Variants in SCN2A observed in about 807,000 individuals in gnomAD.
The protein encoded by SCN2A is sodium channel protein type 2 subunit alpha.
Under a neutral mutation model 188.7 loss-of-function variants are expected in SCN2A, and 20 were observed. That is an observed-to-expected ratio of 0.11 (90% CI 0.07 to 0.15). SCN2A has a LOEUF of 0.15. SCN2A is among the 10% of genes least tolerant of loss of function. SCN2A has a pLI of 1.00. For missense variants in SCN2A, 1,278 were observed against 2,445.0 expected (o/e 0.52, Z 10.07); for synonymous variants, 804 against 833.1 (o/e 0.97, Z 0.60).
At position 165,249,613 on chromosome 2, in the gene SCN2A, T is replaced by G. The variant is rs377309542; in HGVS notation, c.-52+9973T>G. ...GTTGGGAAAATTGACCTCATCGTTTTGTGTTTTCAATCCCTTAAGTGTAAT... is the reference window on the plus strand; with the variant it reads ...GTTGGGAAAATTGACCTCATCGTTTGGTGTTTTCAATCCCTTAAGTGTAAT... On this transcript the variant is annotated intron_variant, in intron 1 of 26. Transcript: ENST00000375437. Among the ~76,000 whole-genome samples the G allele has an allele frequency of 3.4e-4, 51 of 152,186 alleles. No homozygotes were observed. The East Asian group carries it at 9.8e-3, about 29-fold the overall frequency.
intron 15 of SCN2A, 150 bp from the exon 16 acceptor site, chr2:165,344,405 C>T (rs2105318303): frequency 2.5e-6 from 1 of 403,916 alleles, no homozygotes; most frequent in Admixed American, 5.1e-5. Flanking sequence ...ATGTGACTAA[C>T]CTGCACATTG....
intron 1 of SCN2A, among the ~76,000 whole-genome samples, chr2:165,259,931 A>ATTTTTTTTTTTTT (rs140137535): frequency 1.1e-5 from 1 of 89,494 alleles, no homozygotes; most frequent in African/African-American, 4.6e-5. Flanking sequence ...CTAAAAATGG[A>ATTTTTTTTTTTTT]TTTTTTTTTT....
chr2:165,315,924 G>T (rs1236648000), intron 11 of SCN2A, among the ~76,000 whole-genome samples, 166 bp downstream of exon 11: 1 of 152,128 alleles, frequency 6.6e-6, no homozygotes, highest in African/African-American at 2.4e-5. Context: ...TGTGAGTTTT[G>T]CAACTTTTTG....
At position 165,295,637 on chromosome 2, in the gene SCN2A, C is replaced by T. The variant is rs79293169; in HGVS notation, c.-51-136C>T. 2.6e-3 allele frequency: 2,046 copies of T among 799,118 alleles called. 34 individuals are homozygous for T. In the African/African-American group the frequency reaches 0.032, roughly 13 times the overall value. 49.5% of individuals were successfully genotyped at this position (799,118 alleles called of 1,614,324 possible). A position where few individuals can be genotyped will look rare whatever the true frequency, so the allele number is the denominator to read the frequency against. ...ATGCACATATGAGATTCCCTGAATA[C>T]CAAATACAGCTTTCTTTGAAAATAT... On this transcript the variant is annotated intron_variant, in intron 1 of 26. Coordinates refer to ENST00000375437, the MANE Select transcript of SCN2A (RefSeq NM_001040142.2).
chr2:165,275,880 AC>A (rs1695316033), intron 1 of SCN2A, among the ~76,000 whole-genome samples: 2 of 151,926 alleles, frequency 1.3e-5, no homozygotes, highest in African/African-American at 4.8e-5. Context: ...GATTACAGGC[AC>A]CCGCCACCAC....
rs117047664 is a variant in SCN2A at position 165,321,932 on chromosome 2, A to T, written c.1672-1224A>T. On this transcript the variant is annotated intron_variant, in intron 11 of 26. Coordinates refer to ENST00000375437, the MANE Select transcript of SCN2A (RefSeq NM_001040142.2). ...GGAAAAGATCAAACCAATAATACTT[A>T]AATGATGAAGTTAGTATTCTTTCCA... is the stretch of plus-strand genomic sequence containing the variant. Among the ~76,000 whole-genome samples the T allele has an allele frequency of 1.9e-3, 282 of 152,310 alleles. 3 individuals are homozygous for T. In the East Asian group the frequency reaches 0.032, roughly 17 times the overall value.
intron 1 of SCN2A, among the ~76,000 whole-genome samples, chr2:165,249,146 G>C (rs1693984544): frequency 1.3e-5 from 2 of 152,046 alleles, no homozygotes; most frequent in African/African-American, 2.4e-5. Context: ...TCAAAGTCAG[G>C]AACTTGGTCA....
chr2:165,278,370 A>G (rs1479289483), intron 1 of SCN2A, among the ~76,000 whole-genome samples: 1 of 152,184 alleles, frequency 6.6e-6, no homozygotes, highest in Non-Finnish European at 1.5e-5. Context: ...TATCATGGCA[A>G]AAGGCAAAGA....
intron 17 of SCN2A, among the ~76,000 whole-genome samples, chr2:165,356,967 G>T (rs1700212547): frequency 1.3e-5 from 2 of 152,156 alleles, no homozygotes; most frequent in African/African-American, 4.8e-5. Context: ...GACCTGCCAG[G>T]TGGAAGCAGA....
At chr2:165,310,729 A>G in intron 7 of SCN2A, 134 bp downstream of exon 7, 1 of 572,226 alleles carries the variant, frequency 1.7e-6, no homozygotes, top group South Asian at 3.7e-5. Context: ...TACATATAAA[A>G]GAGATATCAA....
intron 13 of SCN2A, chr2:165,328,521 A>G: frequency 3.0e-6 from 3 of 985,588 alleles, no homozygotes; most frequent in Non-Finnish European, 3.6e-6. Context: ...TAAAGCAGGA[A>G]GTAGAGAAGG....
chr2:165,344,264 A>G (rs1699452464), intron 15 of SCN2A, among the ~76,000 whole-genome samples: 1 of 152,096 alleles, frequency 6.6e-6, no homozygotes, highest in East Asian at 1.9e-4. Flanking sequence ...AGAATGCTCT[A>G]TGGTAGCAAG....
chr2:165,305,633 G>A (rs1697080869), intron 3 of SCN2A, among the ~76,000 whole-genome samples: 1 of 152,052 alleles, frequency 6.6e-6, no homozygotes, highest in African/African-American at 2.4e-5. Context: ...AATGCTAAGG[G>A]GAGGAACCAT....
intron 16 of SCN2A, 105 bp from the exon 17 acceptor site, chr2:165,354,087 G>C (rs1700063859): frequency 1.5e-6 from 2 of 1,374,318 alleles, no homozygotes; most frequent in Admixed American, 3.4e-5. Flanking sequence ...AGAAATGCAT[G>C]TTAGAATAAA....
chr2:165,270,593 C>T (rs1287156422), intron 1 of SCN2A: 3 of 152,050 alleles, frequency 2.0e-5, no homozygotes, highest in Non-Finnish European at 1.5e-5. Flanking sequence ...AAATCTGTAA[C>T]TTGACCAAGG....
intron 13 of SCN2A, chr2:165,327,200 A>G: frequency 1.9e-6 from 1 of 532,306 alleles, no homozygotes; most frequent in Non-Finnish European, 3.3e-6. Flanking sequence ...CTGCAAATGT[A>G]AGGTATATTT....
intron 1 of SCN2A, among the ~76,000 whole-genome samples, chr2:165,295,465 C>T (rs960097845): frequency 6.6e-6 from 1 of 152,224 alleles, no homozygotes. Context: ...ACAGCAGGCA[C>T]AAACCAGTAT....
At chr2:165,386,410 G>C (rs1291914244) in intron 25 of SCN2A, among the ~76,000 whole-genome samples, 1 of 152,014 alleles carries the variant, frequency 6.6e-6, no homozygotes, top group African/African-American at 2.4e-5. Flanking sequence ...GTTGCAGTGA[G>C]CCAAGATCGT....
intron 13 of SCN2A, 162 bp downstream of exon 13, chr2:165,327,146 C>A: frequency 1.1e-6 from 1 of 869,722 alleles, no homozygotes; most frequent in South Asian, 1.6e-5. Flanking sequence ...ATTCTATTAT[C>A]TTCCACAGAT....
Sources: allele counts gnomAD v4.1 joint callset (sites outside exome capture counted in the v4.1 genomes callset), GRCh38; gene constraint gnomAD v4.1.1; transcripts MANE v1.5; gene names NCBI Gene and HGNC (gene_info 2026-07-23, HGNC 2026-07-21).